Variants in PKP2 observed in about 807,000 individuals in gnomAD.
PKP2 encodes plakophilin-2.
Under a neutral mutation model 83.4 loss-of-function variants are expected in PKP2, and 73 were observed. That is an observed-to-expected ratio of 0.88 (90% CI 0.72 to 1.06). PKP2 has a LOEUF of 1.06. PKP2 is among the 50% of genes least tolerant of loss of function. The pLI is 0.00. For missense variants in PKP2, 966 were observed against 1,065.4 expected (o/e 0.91, Z 1.30); for synonymous variants, 409 against 430.4 (o/e 0.95, Z 0.62).
chr12:32,886,558 T>C (rs1415210156), intron 1 of PKP2, among the ~76,000 whole-genome samples: 2 of 152,270 alleles, frequency 1.3e-5, no homozygotes, highest in Non-Finnish European at 2.9e-5. Flanking sequence ...TTCATTTCCT[T>C]GGACTTACAT....
chr12:32,809,621 G>A (rs2137743452), intron 9 of PKP2, among the ~76,000 whole-genome samples: 1 of 152,340 alleles, frequency 6.6e-6, no homozygotes, highest in Non-Finnish European at 1.5e-5. Context: ...GGAAATTCCG[G>A]GGCCGGAGTA....
intron 4 of PKP2, among the ~76,000 whole-genome samples, chr12:32,865,437 T>C (rs1407470794): frequency 6.6e-6 from 1 of 151,128 alleles, no homozygotes; most frequent in Non-Finnish European, 1.5e-5. Context: ...TCCCAGCACT[T>C]TGGGAGGCCA....
Position 32,868,959 on chromosome 12 carries a change from C to A in PKP2, c.1138G>T (p.Glu380Ter), listed in dbSNP as rs878898365. ...CGAGCTTCAGATTTCTGGAAGCACT[C>A]GTGCTGTATGAAAGTAGCTGCAGCA... Reference protein sequence around the residue: ...ISAAATFIQHECFQKSEARKR... With the variant: ...ISAAATFIQH The change falls in exon 4 of 13, where the codon GAG becomes TAG. Residue 380 changes from glutamate to a stop codon, truncating the protein, a stop_gained. Transcript: ENST00000340811. LOFTEE classifies it high-confidence loss of function. 1 of 1,613,672 alleles carries A rather than the reference C, an allele frequency of 6.2e-7. No individual in the cohort carries two copies. Among genetic ancestry groups the A allele is most frequent in the Non-Finnish European group, 8.5e-7 (1 of 1,179,968 alleles).
chr12:32,796,308 G>GAAAAAA lies in PKP2; in HGVS notation c.2168-16_2168-11dup. On this transcript the variant is annotated splice_polypyrimidine_tract_variant and intron_variant, in intron 10 of 12. Transcript: ENST00000340811. ...GGGAGAGTTTCTTTGGCTACAAAAT[G>GAAAAAA]AAAAAAAAAACAAAACACTTGATTA... is the stretch of plus-strand genomic sequence containing the variant. 1 of 1,415,884 alleles carries GAAAAAA rather than the reference G, an allele frequency of 7.1e-7. No individual in the cohort carries two copies. Among genetic ancestry groups the GAAAAAA allele is most frequent in the Admixed American group, 1.9e-5 (1 of 51,698 alleles). 87.7% of individuals were successfully genotyped at this position (1,415,884 alleles called of 1,614,324 possible). A position where few individuals can be genotyped will look rare whatever the true frequency, so the allele number is the denominator to read the frequency against.
rs1306629264 is a variant in PKP2, at chr12:32,882,705, G to A, written c.224-3673C>T. Among the ~76,000 whole-genome samples, 3 of 152,198 alleles carry A rather than the reference G, an allele frequency of 2.0e-5. No individual in the cohort carries two copies. In the East Asian group the frequency reaches 5.8e-4, roughly 29 times the overall value. ...ATTTCAATGTGACTTTTCCTTTAAG[G>A]AGCTCAAATTATTTTATGTTCCTTT... On this transcript the variant is annotated intron_variant, in intron 1 of 12. Coordinates refer to ENST00000340811, the MANE Select transcript of PKP2 (RefSeq NM_001005242.3).
At chr12:32,891,929 A>T (rs1351580114) in intron 1 of PKP2, among the ~76,000 whole-genome samples, 1 of 152,104 alleles carries the variant, frequency 6.6e-6, no homozygotes, top group African/African-American at 2.4e-5. Context: ...CACTTACTAT[A>T]ATCAGAAGGA....
chr12:32,829,478 T>A (rs963851563), intron 6 of PKP2, among the ~76,000 whole-genome samples: 1 of 151,654 alleles, frequency 6.6e-6, no homozygotes, highest in Non-Finnish European at 1.5e-5. Flanking sequence ...TTCAAACTCC[T>A]GGTTTCTAGC....
chr12:32,876,718 T>C (rs1956936125), intron 3 of PKP2, among the ~76,000 whole-genome samples: 1 of 152,128 alleles, frequency 6.6e-6, no homozygotes, highest in South Asian at 2.1e-4. Flanking sequence ...CTCGTAGATA[T>C]GGGGTTTCAT....
At chr12:32,880,626 A>C (rs1956976953) in intron 1 of PKP2, among the ~76,000 whole-genome samples, 1 of 152,114 alleles carries the variant, frequency 6.6e-6, no homozygotes, top group African/African-American at 2.4e-5. Flanking sequence ...TCATGAAAAC[A>C]CAGACAGCAG....
intron 3 of PKP2, among the ~76,000 whole-genome samples, chr12:32,869,999 A>G (rs1438528069): frequency 6.6e-6 from 1 of 152,196 alleles, no homozygotes; most frequent in Non-Finnish European, 1.5e-5. Flanking sequence ...ACTGCACTCC[A>G]CCCTGAGCAA....
At chr12:32,804,844 A>G (rs1272397839) in intron 9 of PKP2, among the ~76,000 whole-genome samples, 1 of 152,172 alleles carries the variant, frequency 6.6e-6, no homozygotes, top group Non-Finnish European at 1.5e-5. Flanking sequence ...GTCAAATGGT[A>G]TTTCTGCCTC....
At chr12:32,809,221 G>T (rs894053533) in intron 9 of PKP2, among the ~76,000 whole-genome samples, 2 of 152,192 alleles carry the variant, frequency 1.3e-5, no homozygotes, top group Non-Finnish European at 2.9e-5. Flanking sequence ...CCCGGCTGGA[G>T]TGATTGAAGG....
chr12:32,861,019 C>T (rs537188062), intron 4 of PKP2, among the ~76,000 whole-genome samples: 11 of 135,352 alleles, frequency 8.1e-5, no homozygotes, highest in Non-Finnish European at 1.5e-4. Flanking sequence ...CAGAGCAAGA[C>T]TCTGTCTCAA....
intron 11 of PKP2, 152 bp downstream of exon 11, chr12:32,795,957 A>G (rs1956116588): frequency 2.7e-6 from 2 of 742,442 alleles, no homozygotes; most frequent in East Asian, 5.3e-5. Flanking sequence ...CTGATCACTG[A>G]GGGCTGACCA....
chr12:32,853,368 T>G (rs1156559274), intron 4 of PKP2, among the ~76,000 whole-genome samples: 3 of 149,254 alleles, frequency 2.0e-5, no homozygotes, highest in Admixed American at 6.7e-5. Flanking sequence ...TAAGTGATAC[T>G]TAACCTGTAT....
intron 9 of PKP2, among the ~76,000 whole-genome samples, chr12:32,810,639 TG>T (rs1956268434): frequency 6.6e-6 from 1 of 152,196 alleles, no homozygotes; most frequent in African/African-American, 2.4e-5. Flanking sequence ...GCTAAATTGA[TG>T]AAGTCACATT....
At position 32,791,409 on chromosome 12, in the gene PKP2, G is replaced by A. The variant is rs2137694041; in HGVS notation, c.*1015C>T. Reference sequence around the variant, plus strand: ...TATTTCTTAAATGGTGGGCAAGGCTGGGCTGGCTGATAATGTAACTCATTA... The same window carrying A: ...TATTTCTTAAATGGTGGGCAAGGCTAGGCTGGCTGATAATGTAACTCATTA... On this transcript the variant is annotated 3_prime_UTR_variant, in exon 13 of 13. Transcript: ENST00000340811. 6.6e-6 allele frequency: 1 copy of A among 152,260 alleles called. No individual in the cohort carries two copies. Among genetic ancestry groups the A allele is most frequent in the East Asian group, 1.9e-4 (1 of 5,186 alleles). The allele number at this position is 152,260 out of a possible 1,614,324, so 9.4% of individuals were successfully genotyped here. A position where few individuals can be genotyped will look rare whatever the true frequency, so the allele number is the denominator to read the frequency against.
At chr12:32,825,162 CTTTTTTTTTT>C (rs10607965) in intron 6 of PKP2, among the ~76,000 whole-genome samples, 17 of 76,854 alleles carry the variant, frequency 2.2e-4, no homozygotes, top group Non-Finnish European at 7.0e-5. Context: ...AGATCAGTTT[CTTTTTTTTTT>C]TTTTTTTTTT....
intron 9 of PKP2, among the ~76,000 whole-genome samples, chr12:32,803,759 A>G (rs866620853): frequency 9.2e-5 from 14 of 152,318 alleles, no homozygotes; most frequent in Admixed American, 4.6e-4. Context: ...TTTATCTTTC[A>G]TATGCACCTT....
Sources: allele counts gnomAD v4.1 joint callset (sites outside exome capture counted in the v4.1 genomes callset), GRCh38; gene constraint gnomAD v4.1.1; transcripts MANE v1.5; gene names NCBI Gene and HGNC (gene_info 2026-07-23, HGNC 2026-07-21).